DISC1: variants seen among roughly 807,000 people sequenced by gnomAD.
The protein encoded by DISC1 is disrupted in schizophrenia 1 protein.
In DISC1, 57 loss-of-function variants were observed where a neutral mutation model predicts 84.5. The ratio of observed to expected loss-of-function variants is 0.67; its 90% confidence interval spans 0.55 to 0.84. The LOEUF (loss-of-function observed/expected upper bound fraction) is 0.84. Ranked by LOEUF, DISC1 falls within the 40% of genes least tolerant of loss-of-function variation. DISC1 has a pLI of 0.00. For synonymous variants in DISC1, 411 were observed against 415.2 expected (o/e 0.99, Z 0.12); for missense variants, 1,000 against 1,057.8 (o/e 0.95, Z 0.76).
chr1:231,667,336 G>A (rs572669156), intron 1 of DISC1, among the ~76,000 whole-genome samples: 1 of 152,298 alleles, frequency 6.6e-6, no homozygotes, highest in South Asian at 2.1e-4. Flanking sequence ...TTAAATTGCA[G>A]ACTCAGGGCT....
intron 1 of DISC1, among the ~76,000 whole-genome samples, chr1:231,644,131 T>A (rs2059943974): frequency 6.6e-6 from 1 of 152,210 alleles, no homozygotes; most frequent in African/African-American, 2.4e-5. Context: ...CATTTCTGTT[T>A]AATTTCAATG....
chr1:231,758,891 A>G (rs924195980), intron 4 of DISC1, among the ~76,000 whole-genome samples: 2 of 152,234 alleles, frequency 1.3e-5, no homozygotes, highest in African/African-American at 2.4e-5. Context: ...TCCTATTTGT[A>G]ACCGAAATTG....
At chr1:231,830,878 C>T (rs12402082) in intron 9 of DISC1, among the ~76,000 whole-genome samples, 10,112 of 152,212 alleles carry the variant, frequency 0.066, 602 homozygotes, top group East Asian at 0.35. Context: ...TCTGTTCTAC[C>T]TTTCCTGAAG....
At chr1:231,892,982 C>T (rs142606314) in intron 9 of DISC1, among the ~76,000 whole-genome samples, 10 of 152,026 alleles carry the variant, frequency 6.6e-5, no homozygotes, top group South Asian at 2.1e-4. Context: ...GCCAAAATGG[C>T]GAAACCCTAT....
At position 231,699,000 on chromosome 1, in the gene DISC1, C is replaced by T. The variant is rs941831902; in HGVS notation, c.1048-2955C>T. 6.6e-6 allele frequency among the ~76,000 whole-genome samples: 1 copy of T among 152,122 alleles called. No individual in the cohort carries two copies. Among genetic ancestry groups the T allele is most frequent in the Non-Finnish European group, 1.5e-5 (1 of 68,018 alleles). On this transcript the variant is annotated intron_variant, in intron 2 of 12. Transcript: ENST00000439617. The surrounding 1 kb of genome is among the most constrained non-coding windows in gnomAD (Gnocchi z 4.9). ...TAGGACAGGCTAGTAACAGGCACTA[C>T]GTTAGAGGCTCAACACAACAAAATT...
At chr1:231,964,500 C>A (rs376244446) in intron 10 of DISC1, among the ~76,000 whole-genome samples, 20 of 152,180 alleles carry the variant, frequency 1.3e-4, no homozygotes, top group African/African-American at 4.6e-4. Flanking sequence ...TTTGTGTGAA[C>A]TGGTATGGTG....
intron 11 of DISC1, among the ~76,000 whole-genome samples, chr1:232,012,126 C>G (rs1194502289): frequency 6.6e-6 from 1 of 151,590 alleles, no homozygotes; most frequent in Admixed American, 6.6e-5. Flanking sequence ...ACAAGCATCT[C>G]TAAAATGCTT....
At chr1:231,722,406 A>G (rs2069908317) in intron 3 of DISC1, 4 of 1,431,840 alleles carry the variant, frequency 2.8e-6, no homozygotes, top group Non-Finnish European at 2.9e-6. Flanking sequence ...TATGAAATAG[A>G]TCTTTCTACT....
chr1:231,958,550 A>C (rs1267249354), intron 9 of DISC1, among the ~76,000 whole-genome samples: 1 of 152,216 alleles, frequency 6.6e-6, no homozygotes, highest in Non-Finnish European at 1.5e-5. Flanking sequence ...GTGATAGACT[A>C]TCAGTGAGCT....
chr1:231,920,896 T>A (rs907607919), intron 9 of DISC1, among the ~76,000 whole-genome samples: 1 of 144,830 alleles, frequency 6.9e-6, no homozygotes, highest in Non-Finnish European at 1.5e-5. Flanking sequence ...GCCCTAGGAC[T>A]GAACTGCTAT....
rs1670749736 is a variant in DISC1 at position 232,040,745 on chromosome 1, A to G, written c.*3914A>G. On this transcript the variant is annotated 3_prime_UTR_variant, in exon 13 of 13. Coordinates refer to ENST00000439617, the MANE Select transcript of DISC1 (RefSeq NM_018662.3). ...GTCAAAGAAACTGAGCCTGGGGCAA[A>G]CGAGGCTTCCCACACTGCCAGGGGA... is the stretch of plus-strand genomic sequence containing the variant. The G allele has an allele frequency of 6.6e-6, 1 of 152,304 alleles. No homozygotes were observed. The highest frequency in any genetic ancestry group is 2.1e-4 in the South Asian group (1 of 4,820). The allele number at this position is 152,304 out of a possible 1,614,324, so 9.4% of individuals were successfully genotyped here.
At chr1:231,846,184 C>T (rs1478340381) in intron 9 of DISC1, among the ~76,000 whole-genome samples, 1 of 152,088 alleles carries the variant, frequency 6.6e-6, no homozygotes, top group African/African-American at 2.4e-5. Flanking sequence ...TGCCATGAGA[C>T]CCTCCAGGGA....
Position 231,987,234 on chromosome 1 carries a change from C to A in DISC1, c.2043-21551C>A, listed in dbSNP as rs139354279. Among the ~76,000 whole-genome samples, 242 of 152,328 alleles carry A rather than the reference C, an allele frequency of 1.6e-3. 2 individuals carry two copies. Among genetic ancestry groups the A allele is most frequent in the African/African-American group, 5.6e-3 (231 of 41,586 alleles). On this transcript the variant is annotated intron_variant, in intron 10 of 12. Coordinates refer to ENST00000439617, the MANE Select transcript of DISC1 (RefSeq NM_018662.3). ...GATACTTTGTGTACTGGGGATAGAA[C>A]TGTTGATGCAGAATTCAGCTGTGAG...
chr1:231,909,586 A>G (rs2089002433), intron 9 of DISC1, among the ~76,000 whole-genome samples: 1 of 152,136 alleles, frequency 6.6e-6, no homozygotes, highest in South Asian at 2.1e-4. Context: ...TATTTTATTG[A>G]GGATATTTTT....
At chr1:231,731,239 A>G (rs2071474165) in intron 3 of DISC1, among the ~76,000 whole-genome samples, 1 of 152,384 alleles carries the variant, frequency 6.6e-6, no homozygotes, top group African/African-American at 2.4e-5. Flanking sequence ...CCAGGAAAGA[A>G]TTCAAGGGAA....
rs776032830 is a variant in DISC1 at position 231,770,982 on chromosome 1, C to T, written c.1546C>T (p.Leu516=). The part of the protein sequence containing the change: ...PLVGQLSLGQ[L]QEVSKALQDT... ...GGTGGGCCAGCTGTCCCTGGGTCAGCTGCAGGAGGTCAGCAAGGCCTTGCA... is the reference window on the plus strand; with the variant it reads ...GGTGGGCCAGCTGTCCCTGGGTCAGTTGCAGGAGGTCAGCAAGGCCTTGCA... The change falls in exon 6 of 13, where the codon CTG becomes TTG. Residue 516 remains leucine (L), a synonymous_variant. Transcript: ENST00000439617. The T allele has an allele frequency of 9.9e-6, 16 of 1,613,558 alleles. No individual in the cohort carries two copies. The highest frequency in any genetic ancestry group is 1.6e-4 in the Middle Eastern group (1 of 6,084).
chr1:231,801,260 A>G (rs548787164), intron 8 of DISC1, among the ~76,000 whole-genome samples: 1 of 151,844 alleles, frequency 6.6e-6, no homozygotes, highest in South Asian at 2.1e-4. Context: ...ACTTGAAATT[A>G]TGGGCCCATT....
At chr1:231,716,255 GCTT>G (rs1331624420) in intron 3 of DISC1, among the ~76,000 whole-genome samples, 1 of 142,750 alleles carries the variant, frequency 7.0e-6, no homozygotes, top group African/African-American at 2.7e-5. Flanking sequence ...CAATGATTTG[GCTT>G]CTTTTCTGTT....
chr1:231,800,306 AT>A, intron 8 of DISC1, 96 bp downstream of exon 8: 1 of 969,658 alleles, frequency 1.0e-6, no homozygotes, highest in Non-Finnish European at 1.6e-6. Context: ...TTCCACTGTT[AT>A]TATGTCATTC....
Sources: gnomAD v4.1 joint callset for allele counts (sites outside exome capture counted in the v4.1 genomes callset) on GRCh38, gnomAD v4.1.1 for gene constraint, Gnocchi (gnomAD v3.1) non-coding constraint, MANE v1.5 for transcripts, NCBI Gene and HGNC (gene_info 2026-07-23, HGNC 2026-07-21) for gene names.